Variants in E2F3 observed in about 807,000 individuals in gnomAD.
E2F3 encodes transcription factor E2F3.
E2F3 carries 11 observed loss-of-function variants against 44.4 expected under a neutral mutation model. That is an observed-to-expected ratio of 0.25 (90% CI 0.16 to 0.41). E2F3 has a LOEUF of 0.41. Ranked by LOEUF, E2F3 falls within the 10% of genes least tolerant of loss-of-function variation. E2F3 has a pLI of 1.00. For missense variants in E2F3, 487 were observed against 583.6 expected, an observed-to-expected ratio of 0.83 and a Z score of 1.70; for synonymous variants, 249 against 253.0, an observed-to-expected ratio of 0.98 and a Z score of 0.15.
intron 1 of E2F3, among the ~76,000 whole-genome samples, chr6:20,441,200 T>C (rs1284947001): frequency 1.3e-5 from 2 of 152,150 alleles, no homozygotes; most frequent in African/African-American, 4.8e-5. Flanking sequence ...CTATTCTACT[T>C]TCTGTCTGTA....
intron 1 of E2F3, among the ~76,000 whole-genome samples, chr6:20,462,286 A>G (rs566500116): frequency 4.7e-4 from 71 of 152,000 alleles, no homozygotes; most frequent in African/African-American, 1.6e-3. Context: ...GAGGGATCCA[A>G]TTTTATTTTT....
intron 4 of E2F3, among the ~76,000 whole-genome samples, chr6:20,486,162 C>T (rs1762384407): frequency 6.6e-6 from 1 of 152,104 alleles, no homozygotes; most frequent in Non-Finnish European, 1.5e-5. Flanking sequence ...TAGCCATAGT[C>T]TTTTTAGAAA....
chr6:20,480,154 C>T, intron 2 of E2F3, 197 bp downstream of exon 2: 1 of 756,554 alleles, frequency 1.3e-6, no homozygotes, highest in Non-Finnish European at 1.6e-6. Context: ...CACACTGGTA[C>T]CATAAGGGAA....
At chr6:20,430,360 G>A (rs1291724769) in intron 1 of E2F3, among the ~76,000 whole-genome samples, 2 of 152,096 alleles carry the variant, frequency 1.3e-5, no homozygotes, top group Non-Finnish European at 2.9e-5. Flanking sequence ...AAAATACCAG[G>A]AAATACCACT....
intron 1 of E2F3, among the ~76,000 whole-genome samples, chr6:20,430,119 C>T (rs1017292073): frequency 3.3e-5 from 5 of 152,072 alleles, no homozygotes; most frequent in South Asian, 2.1e-4. Context: ...TTTTTCCATT[C>T]TGGAATATTA....
chr6:20,413,783 C>A (rs916080064), intron 1 of E2F3, among the ~76,000 whole-genome samples: 1 of 152,140 alleles, frequency 6.6e-6, no homozygotes, highest in Non-Finnish European at 1.5e-5. Context: ...CCAGAGCACA[C>A]CATTTAGAGT....
chr6:20,492,614 T>G lies in E2F3; in HGVS notation c.*2184T>G. On this transcript the variant is annotated 3_prime_UTR_variant, in exon 7 of 7. Transcript: ENST00000346618. Reference sequence around the variant, plus strand: ...TGCACAAAGCTGATTTTTTCCAAAGTCTAAAGACTGAGCTCACCTGGCTAG... The same window carrying G: ...TGCACAAAGCTGATTTTTTCCAAAGGCTAAAGACTGAGCTCACCTGGCTAG... 1 of 232,474 alleles carries G rather than the reference T, an allele frequency of 4.3e-6. No individual in the cohort carries two copies. Among genetic ancestry groups the G allele is most frequent in the Non-Finnish European group, 8.5e-6 (1 of 117,232 alleles). 14.4% of individuals were successfully genotyped at this position (232,474 alleles called of 1,614,324 possible).
chr6:20,474,123 A>G (rs1279990500), intron 1 of E2F3, among the ~76,000 whole-genome samples: 1 of 151,394 alleles, frequency 6.6e-6, no homozygotes, highest in African/African-American at 2.4e-5. Flanking sequence ...AGAGAGAGAG[A>G]TGGGAGACTT....
rs539739643 is a variant in E2F3, at chr6:20,456,545, G to A, written c.394-23301G>A. On this transcript the variant is annotated intron_variant, in intron 1 of 6. Coordinates refer to ENST00000346618, the MANE Select transcript of E2F3 (RefSeq NM_001949.5). ...ATGAAATGACTGCCTACACGCACTC[G>A]CGCACATATTTTAGTGAGCAATGCA... Among the ~76,000 whole-genome samples the A allele has an allele frequency of 5.9e-5, 9 of 151,966 alleles. No homozygotes were observed. The South Asian group carries it at 1.7e-3, about 28-fold the overall frequency.
intron 1 of E2F3, among the ~76,000 whole-genome samples, chr6:20,434,331 A>C (rs1390956927): frequency 6.6e-5 from 10 of 152,236 alleles, no homozygotes; most frequent in Non-Finnish European, 1.2e-4. Context: ...AGAAGCAAGA[A>C]AACTTTAGAC....
intron 1 of E2F3, among the ~76,000 whole-genome samples, chr6:20,430,899 C>A (rs1474585459): frequency 6.6e-6 from 1 of 152,146 alleles, no homozygotes; most frequent in Non-Finnish European, 1.5e-5. Context: ...GTGGCGCACA[C>A]CTGTCATCCC....
chr6:20,486,868 C>T (rs1762410266), intron 5 of E2F3, 65 bp downstream of exon 5: 3 of 1,036,462 alleles, frequency 2.9e-6, no homozygotes, highest in Admixed American at 4.4e-5. Context: ...TTGAATGACT[C>T]ATTGACTCAT....
At chr6:20,470,962 G>A (rs1408990917) in intron 1 of E2F3, among the ~76,000 whole-genome samples, 1 of 152,104 alleles carries the variant, frequency 6.6e-6, no homozygotes, top group Non-Finnish European at 1.5e-5. Flanking sequence ...AACCCCAAAT[G>A]GAAATGATAT....
At chr6:20,449,707 A>G (rs769022141) in intron 1 of E2F3, among the ~76,000 whole-genome samples, 1 of 152,082 alleles carries the variant, frequency 6.6e-6, no homozygotes. Flanking sequence ...TGTACAGATT[A>G]TTTCATCACA....
At chr6:20,420,288 A>T (rs1309318561) in intron 1 of E2F3, among the ~76,000 whole-genome samples, 1 of 152,230 alleles carries the variant, frequency 6.6e-6, no homozygotes, top group East Asian at 1.9e-4. Flanking sequence ...GATGAAAAAG[A>T]CGAATTAGTA....
At position 20,463,802 on chromosome 6, in the gene E2F3, C is replaced by T. The variant is rs556229618; in HGVS notation, c.394-16044C>T. ...TTCTACTTCATCTACCCAGAGATAGCGTCAGATCCCACAGGTTGAAGGCTG... is the reference window on the plus strand; with the variant it reads ...TTCTACTTCATCTACCCAGAGATAGTGTCAGATCCCACAGGTTGAAGGCTG... On this transcript the variant is annotated intron_variant, in intron 1 of 6. Coordinates refer to ENST00000346618, the MANE Select transcript of E2F3 (RefSeq NM_001949.5). Among the ~76,000 whole-genome samples, 7 of 152,238 alleles carry T rather than the reference C, an allele frequency of 4.6e-5. No individual in the cohort carries two copies. In the South Asian group the frequency reaches 1.2e-3, roughly 27 times the overall value.
intron 1 of E2F3, among the ~76,000 whole-genome samples, chr6:20,429,350 T>C (rs2127592604): frequency 6.6e-6 from 1 of 152,332 alleles, no homozygotes; most frequent in East Asian, 1.9e-4. Flanking sequence ...AAACAATTCA[T>C]AAGTTTTAAA....
In E2F3 at chr6:20,403,904, T is replaced by C; in HGVS notation, c.393+1279T>C. 4.1e-6 allele frequency: 4 copies of C among 980,354 alleles called. No homozygotes were observed. The South Asian group carries it at 6.5e-5, about 16-fold the overall frequency. 60.7% of individuals were successfully genotyped at this position (980,354 alleles called of 1,614,324 possible). ...CGGATTCTGTTGGGGGCTGAAGCGGTGAGGGTAGGCGGTTGAGCGGGGTTT... is the reference window on the plus strand; with the variant it reads ...CGGATTCTGTTGGGGGCTGAAGCGGCGAGGGTAGGCGGTTGAGCGGGGTTT... On this transcript the variant is annotated intron_variant, in intron 1 of 6. Coordinates refer to ENST00000346618, the MANE Select transcript of E2F3 (RefSeq NM_001949.5).
chr6:20,448,140 C>G (rs952038705), intron 1 of E2F3, among the ~76,000 whole-genome samples: 1 of 152,168 alleles, frequency 6.6e-6, no homozygotes, highest in Admixed American at 6.5e-5. Flanking sequence ...GTAGTAATTT[C>G]AGAAACTGAG....
Sources: allele counts gnomAD v4.1 joint callset (sites outside exome capture counted in the v4.1 genomes callset), GRCh38; gene constraint gnomAD v4.1.1; transcripts MANE v1.5; gene names NCBI Gene and HGNC (gene_info 2026-07-23, HGNC 2026-07-21).